The following CHD1 variants were observed in gnomAD, a reference collection of about 807,000 sequenced individuals.
CHD1 encodes the protein ATP-dependent chromatin remodeler CHD1.
In CHD1, 36 loss-of-function variants were observed where a neutral mutation model predicts 224.2. The observed-to-expected ratio is 0.16, with a 90% CI of 0.12 to 0.21. CHD1 has a LOEUF of 0.21. Ranked by LOEUF, CHD1 falls within the 10% of genes least tolerant of loss-of-function variation. The pLI is 1.00. For missense variants in CHD1, 1,378 were observed against 1,994.8 expected (o/e 0.69, Z 5.89); for synonymous variants, 668 against 658.3 (o/e 1.01, Z -0.23).
At chr5:98,860,215 A>G (rs1248220604) in intron 32 of CHD1, 147 bp from the exon 33 acceptor site, 1 of 649,788 alleles carries the variant, frequency 1.5e-6, no homozygotes, top group South Asian at 1.5e-5. Flanking sequence ...TAATTTTCCT[A>G]TGCATTTTTT....
At position 98,904,460 on chromosome 5, in the gene CHD1, C is replaced by G. The variant is rs144626250; in HGVS notation, c.255+437G>C. 1.5e-3 allele frequency among the ~76,000 whole-genome samples: 228 copies of G among 152,292 alleles called. 1 individual carries two copies. The East Asian group carries it at 0.036, about 24-fold the overall frequency. ...TTTTCCAAACAGAATAGCCCCTTAC[C>G]CTATTCCATCATTATCTTTGAGGAA... On this transcript the variant is annotated intron_variant, in intron 3 of 35. Coordinates refer to ENST00000614616, the MANE Select transcript of CHD1 (RefSeq NM_001270.4).
chr5:98,918,787 C>T (rs188892400), intron 2 of CHD1, among the ~76,000 whole-genome samples: 11 of 150,756 alleles, frequency 7.3e-5, no homozygotes, highest in Admixed American at 2.0e-4. Context: ...AAAACTTCCT[C>T]TCCAACACCC....
At chr5:98,898,175 C>G (rs1751466082) in intron 10 of CHD1, 81 bp downstream of exon 10, 1 of 765,518 alleles carries the variant, frequency 1.3e-6, no homozygotes, top group Non-Finnish European at 1.8e-6. Flanking sequence ...AAATCAGGAT[C>G]CAACTCTTGT....
chr5:98,910,103 T>C (rs939761418), intron 2 of CHD1, among the ~76,000 whole-genome samples: 2 of 152,182 alleles, frequency 1.3e-5, no homozygotes, highest in African/African-American at 2.4e-5. Flanking sequence ...TTATTTAGGA[T>C]GTTTCAATGG....
chr5:98,868,424 G>T, intron 31 of CHD1, 71 bp downstream of exon 31: 1 of 1,333,252 alleles, frequency 7.5e-7, no homozygotes, highest in Non-Finnish European at 1.0e-6. Context: ...TAAATTAAAT[G>T]CTATAAATGA....
In CHD1 at chr5:98,858,497, CG is replaced by C. The variant is rs1748216256; in HGVS notation, c.4577-108del. On this transcript the variant is annotated intron_variant, in intron 34 of 35. Transcript: ENST00000614616. The stretch of plus-strand genomic sequence containing the variant: ...GTTTCAACCCTTGCCAAAACAAAAT[CG>C]GTTCCCAAATACAAGCAGTTAAAGC... The C allele has an allele frequency of 4.9e-6, 4 of 817,680 alleles. No homozygotes were observed. In the Admixed American group the frequency reaches 9.2e-5, roughly 19 times the overall value. The allele number at this position is 817,680 out of a possible 1,614,324, so 50.7% of individuals were successfully genotyped here. A position where few individuals can be genotyped will look rare whatever the true frequency, so the allele number is the denominator to read the frequency against.
intron 22 of CHD1, 79 bp downstream of exon 22, chr5:98,880,997 A>C: frequency 2.4e-6 from 2 of 837,810 alleles, no homozygotes; most frequent in Non-Finnish European, 4.0e-6. Context: ...GCTTAAAGAA[A>C]GATTAACAAA....
At chr5:98,879,975 C>T (rs1339351071) in intron 22 of CHD1, among the ~76,000 whole-genome samples, 1 of 152,168 alleles carries the variant, frequency 6.6e-6, no homozygotes. Flanking sequence ...TTAGTAGCAT[C>T]ACAGAACTAA....
chr5:98,876,506 C>T lies in CHD1; in HGVS notation c.3290G>A (p.Gly1097Glu), dbSNP rs371278722. The change falls in exon 24 of 36, where the codon GGA (glycine) becomes GAA (glutamate). Residue 1097 changes from glycine to glutamate, a missense_variant. By Grantham distance (98) the Gly-to-Glu change is moderately conservative. Coordinates refer to ENST00000614616, the MANE Select transcript of CHD1 (RefSeq NM_001270.4). The stretch of plus-strand genomic sequence containing the variant: ...TTCTGAGATGGAATCACTATCAGAT[C>T]CAGAGTATCTCCTACTTCTACTGCG... ...GRRSRSRRYS[G>E]SDSDSISEGK... is the part of the protein sequence containing the mutation. 1.0e-4 allele frequency: 162 copies of T among 1,613,570 alleles called. No homozygotes were observed. Among genetic ancestry groups the T allele is most frequent in the Non-Finnish European group, 1.3e-4 (156 of 1,179,650 alleles).
intron 2 of CHD1, among the ~76,000 whole-genome samples, chr5:98,913,720 A>T (rs1160456007): frequency 6.6e-6 from 1 of 152,186 alleles, no homozygotes; most frequent in African/African-American, 2.4e-5. Context: ...AAAGGAAAAG[A>T]TGTTATTAGT....
chr5:98,893,794 C>CA (rs1271699002), intron 13 of CHD1, among the ~76,000 whole-genome samples, 188 bp from the exon 14 acceptor site: 3 of 152,174 alleles, frequency 2.0e-5, no homozygotes, highest in Admixed American at 1.3e-4. Context: ...CCTTCTATGA[C>CA]AAATTTAACC....
intron 2 of CHD1, among the ~76,000 whole-genome samples, chr5:98,920,057 C>CT (rs1166033651): frequency 6.6e-6 from 1 of 151,992 alleles, no homozygotes; most frequent in Non-Finnish European, 1.5e-5. Flanking sequence ...AAAAAGTCAA[C>CT]TATTATACAA....
intron 23 of CHD1, among the ~76,000 whole-genome samples, chr5:98,879,074 G>T (rs7717935): frequency 1.3e-5 from 2 of 151,906 alleles, no homozygotes; most frequent in African/African-American, 4.8e-5. Flanking sequence ...TCTACAAAAA[G>T]AATACAAAAA....
At chr5:98,896,183 A>T (rs1751334771) in intron 12 of CHD1, 43 bp downstream of exon 12, 2 of 1,498,512 alleles carry the variant, frequency 1.3e-6, no homozygotes, top group Admixed American at 3.3e-5. Flanking sequence ...GATCTCAAAG[A>T]CAAGTACATT....
chr5:98,881,411 A>T lies in CHD1; in HGVS notation c.2868-36T>A, dbSNP rs144199650. 5,278 of 1,009,040 alleles carry T rather than the reference A, an allele frequency of 5.2e-3. 24 individuals are homozygous for T. The highest frequency in any genetic ancestry group is 6.1e-3 in the Non-Finnish European group (4,178 of 687,206). The allele number at this position is 1,009,040 out of a possible 1,614,324, so 62.5% of individuals were successfully genotyped here. ...AAAAACAAAAATGCTTAACATTAAC[A>T]GTTAAAAATATAACAGTTACACAGC... On this transcript the variant is annotated intron_variant, in intron 20 of 35. Coordinates refer to ENST00000614616, the MANE Select transcript of CHD1 (RefSeq NM_001270.4).
rs1179357328 is a variant in CHD1, at chr5:98,854,541, A to G, written c.*1839T>C. The G allele has an allele frequency of 1.3e-5, 2 of 152,210 alleles. No individual in the cohort carries two copies. The highest frequency in any genetic ancestry group is 3.9e-4 in the East Asian group (2 of 5,194). 9.4% of individuals were successfully genotyped at this position (152,210 alleles called of 1,614,324 possible). A position where few individuals can be genotyped will look rare whatever the true frequency, so the allele number is the denominator to read the frequency against. On this transcript the variant is annotated 3_prime_UTR_variant, in exon 36 of 36. Coordinates refer to ENST00000614616, the MANE Select transcript of CHD1 (RefSeq NM_001270.4). Reference sequence around the variant, plus strand: ...CTTCATTACTTTTATATTTAATTATAAATTAGATGTTTAAAAAACTGAGCT... The same window carrying G: ...CTTCATTACTTTTATATTTAATTATGAATTAGATGTTTAAAAAACTGAGCT...
In CHD1 at chr5:98,854,387, A is replaced by T. The variant is rs1293588246; in HGVS notation, c.*1993T>A. On this transcript the variant is annotated 3_prime_UTR_variant, in exon 36 of 36. Coordinates refer to ENST00000614616, the MANE Select transcript of CHD1 (RefSeq NM_001270.4). The stretch of plus-strand genomic sequence containing the variant: ...ATATCTTAGCTTTTAGTAATAAATT[A>T]AAAAATGCCAGCCACCATCTTATGA... 2 of 152,116 alleles carry T rather than the reference A, an allele frequency of 1.3e-5. No individual in the cohort carries two copies. Among genetic ancestry groups the T allele is most frequent in the Admixed American group, 6.5e-5 (1 of 15,272 alleles). The allele number at this position is 152,116 out of a possible 1,614,324, so 9.4% of individuals were successfully genotyped here.
chr5:98,905,745 A>C (rs1007703437), intron 2 of CHD1, among the ~76,000 whole-genome samples: 1 of 152,210 alleles, frequency 6.6e-6, no homozygotes, highest in South Asian at 2.1e-4. Flanking sequence ...GCAAATTCTC[A>C]TATTTCCTAA....
At chr5:98,871,966 T>C in intron 28 of CHD1, 85 bp downstream of exon 28, 1 of 1,295,896 alleles carries the variant, frequency 7.7e-7, no homozygotes, top group East Asian at 2.4e-5. Context: ...CAGATTTCCA[T>C]TATTTCCAAC....
Sources: gnomAD v4.1 joint callset for allele counts (sites outside exome capture counted in the v4.1 genomes callset) on GRCh38, gnomAD v4.1.1 for gene constraint, MANE v1.5 for transcripts, NCBI Gene and HGNC (gene_info 2026-07-23, HGNC 2026-07-21) for gene names.